The following EBF1 variants were observed in gnomAD, a reference collection of about 807,000 sequenced individuals.
EBF1 encodes transcription factor COE1.
A neutral mutation model predicts 68.4 loss-of-function variants in EBF1; 10 were observed. That is an observed-to-expected ratio of 0.15 (90% CI 0.09 to 0.25). The LOEUF is 0.25. Among genes scored for constraint, EBF1 ranks in the 10% least tolerant of loss-of-function variants. The pLI, the probability that EBF1 is intolerant of heterozygous loss-of-function variation, is 1.00. For missense variants in EBF1, 509 were observed against 794.4 expected, an observed-to-expected ratio of 0.64 and a Z score of 4.32; for synonymous variants, 298 against 299.8, an observed-to-expected ratio of 0.99 and a Z score of 0.06.
intron 8 of EBF1, among the ~76,000 whole-genome samples, chr5:158,800,182 T>C (rs957461170): frequency 1.3e-5 from 2 of 152,098 alleles, no homozygotes; most frequent in African/African-American, 4.8e-5. Context: ...TTCTATAAAC[T>C]GATATGGAAA....
intron 6 of EBF1, among the ~76,000 whole-genome samples, chr5:159,065,968 A>T (rs1188164045): frequency 6.6e-6 from 1 of 152,080 alleles, no homozygotes; most frequent in Non-Finnish European, 1.5e-5. Flanking sequence ...CTACTGAGAG[A>T]CAGAGCCCAA....
chr5:158,835,210 C>T (rs1295448888), intron 7 of EBF1, among the ~76,000 whole-genome samples: 2 of 152,072 alleles, frequency 1.3e-5, no homozygotes, highest in African/African-American at 4.8e-5. Flanking sequence ...TTGGTTCGGT[C>T]CTAAGACTTG....
At chr5:159,047,485 G>A (rs1772656736) in intron 6 of EBF1, among the ~76,000 whole-genome samples, 1 of 152,106 alleles carries the variant, frequency 6.6e-6, no homozygotes, top group Admixed American at 6.5e-5. Flanking sequence ...GGCGCAAAGG[G>A]GACAGAGCTG....
intron 8 of EBF1, among the ~76,000 whole-genome samples, chr5:158,800,493 G>T (rs1020124059): frequency 6.6e-6 from 1 of 152,128 alleles, no homozygotes; most frequent in African/African-American, 2.4e-5. Context: ...AAGGTACTAT[G>T]TAATAATAAT....
At chr5:158,794,482 G>A (rs1320669878) in intron 9 of EBF1, among the ~76,000 whole-genome samples, 3 of 152,170 alleles carry the variant, frequency 2.0e-5, no homozygotes, top group Non-Finnish European at 4.4e-5. Flanking sequence ...AGGTGCAAAT[G>A]CATGATTTCC....
intron 1 of EBF1, among the ~76,000 whole-genome samples, chr5:159,099,133 T>A (rs1255123728): frequency 6.6e-6 from 1 of 152,152 alleles, no homozygotes; most frequent in Non-Finnish European, 1.5e-5. Context: ...AAGCGTGGGC[T>A]CCTCGCAGAC....
chr5:159,054,434 C>T lies in EBF1; in HGVS notation c.554+18962G>A, dbSNP rs150184075. 3.0e-3 allele frequency among the ~76,000 whole-genome samples: 464 copies of T among 152,210 alleles called. 2 individuals carry two copies. Among genetic ancestry groups the T allele is most frequent in the African/African-American group, 0.011 (443 of 41,536 alleles). On this transcript the variant is annotated intron_variant, in intron 6 of 15. Transcript: ENST00000313708. ...AAAAAATAGAGAGAGAGATCTGGTT[C>T]CCATCCTGGACAAAGTTTTCTGTTT...
chr5:158,860,952 A>G (rs565869841), intron 6 of EBF1, among the ~76,000 whole-genome samples: 161 of 152,348 alleles, frequency 1.1e-3, no homozygotes, highest in African/African-American at 3.8e-3. Flanking sequence ...AGAGCTGGGT[A>G]GATTAACCTC....
At chr5:159,022,102 C>T (rs1288321296) in intron 6 of EBF1, among the ~76,000 whole-genome samples, 2 of 144,954 alleles carry the variant, frequency 1.4e-5, no homozygotes, top group Non-Finnish European at 3.0e-5. Flanking sequence ...CATCTGGTTT[C>T]AACATCCAGG....
At chr5:159,050,194 C>T (rs1773294827) in intron 6 of EBF1, among the ~76,000 whole-genome samples, 1 of 149,434 alleles carries the variant, frequency 6.7e-6, no homozygotes, top group Non-Finnish European at 1.5e-5. Flanking sequence ...TCTCTTTTCT[C>T]TCTCTCTCCT....
At chr5:158,749,937 A>G (rs1768425702) in intron 10 of EBF1, among the ~76,000 whole-genome samples, 1 of 152,112 alleles carries the variant, frequency 6.6e-6, no homozygotes, top group African/African-American at 2.4e-5. Context: ...TCATGATGAC[A>G]TCAACATTGA....
At chr5:158,964,096 A>C (rs1753632305) in intron 6 of EBF1, among the ~76,000 whole-genome samples, 1 of 152,168 alleles carries the variant, frequency 6.6e-6, no homozygotes. Flanking sequence ...AGTCAGACAC[A>C]GCAAGATGAA....
intron 12 of EBF1, 119 bp downstream of exon 12, chr5:158,713,998 A>G: frequency 1.0e-6 from 1 of 1,001,236 alleles, no homozygotes; most frequent in Admixed American, 1.9e-5. Context: ...TGAATTACTT[A>G]TACTCTTAAC....
chr5:159,067,660 C>T (rs191352093), intron 6 of EBF1, among the ~76,000 whole-genome samples: 10 of 152,200 alleles, frequency 6.6e-5, no homozygotes, highest in South Asian at 6.2e-4. Context: ...CACAAATGTA[C>T]GGGGCTCATC....
intron 6 of EBF1, among the ~76,000 whole-genome samples, chr5:158,847,589 C>T (rs963504467): frequency 6.6e-6 from 1 of 152,164 alleles, no homozygotes; most frequent in Non-Finnish European, 1.5e-5. Flanking sequence ...GATGTTTATC[C>T]TCACGGATGT....
chr5:158,713,103 G>A lies in EBF1; in HGVS notation c.1236C>T (p.Tyr412=). 8 of 1,572,238 alleles carry A rather than the reference G, an allele frequency of 5.1e-6. No individual in the cohort carries two copies. Among genetic ancestry groups the A allele is most frequent in the East Asian group, 2.3e-5 (1 of 42,782 alleles). Residue 412 remains tyrosine, a synonymous_variant, in exon 13 of 16, where the codon TAC becomes TAT. Transcript: ENST00000313708. ...GTTGGTTGTGGTTGCGGGGAACACTGTACAGGGCCTCGGCAATGTCGGCCG... is the reference window on the plus strand; with the variant it reads ...GTTGGTTGTGGTTGCGGGGAACACTATACAGGGCCTCGGCAATGTCGGCCG... ...KRAADIAEAL[Y]SVPRNHNQLP...
At chr5:158,748,656 T>C (rs1271185136) in intron 10 of EBF1, among the ~76,000 whole-genome samples, 1 of 152,152 alleles carries the variant, frequency 6.6e-6, no homozygotes, top group African/African-American at 2.4e-5. Flanking sequence ...AGAGAGCATA[T>C]TAAGTGCTCA....
intron 10 of EBF1, among the ~76,000 whole-genome samples, chr5:158,737,828 C>A (rs943882253): frequency 1.3e-5 from 2 of 152,032 alleles, no homozygotes; most frequent in Non-Finnish European, 2.9e-5. Context: ...CAGGGGCACT[C>A]GGAGGAAGAC....
At chr5:158,939,255 A>G (rs4921537) in intron 6 of EBF1, among the ~76,000 whole-genome samples, 82,960 of 152,010 alleles carry the variant, frequency 0.55, 23,107 homozygotes, top group South Asian at 0.74. Context: ...AAGGACTTAT[A>G]GCCTAGACAG....
Sources: gnomAD v4.1 joint callset for allele counts (sites outside exome capture counted in the v4.1 genomes callset) on GRCh38, gnomAD v4.1.1 for gene constraint, MANE v1.5 for transcripts, NCBI Gene and HGNC (gene_info 2026-07-23, HGNC 2026-07-21) for gene names.